The following PEBP4 variants were observed in gnomAD, a reference collection of about 807,000 sequenced individuals.
PEBP4 encodes phosphatidylethanolamine binding protein 4.
PEBP4 carries 22 observed loss-of-function variants against 23.9 expected under a neutral mutation model. The observed-to-expected ratio is 0.92, with a 90% CI of 0.66 to 1.31. The LOEUF (loss-of-function observed/expected upper bound fraction) is 1.31. Ranked by LOEUF, PEBP4 falls within the 40% of genes most tolerant of loss-of-function variation. The pLI is 0.00. For missense variants in PEBP4, 324 were observed against 281.7 expected (o/e 1.15, Z -1.07); for synonymous variants, 112 against 99.3 (o/e 1.13, Z -0.76).
chr8:22,796,323 G>T (rs926551384), intron 4 of PEBP4, among the ~76,000 whole-genome samples: 4 of 151,476 alleles, frequency 2.6e-5, no homozygotes, highest in Non-Finnish European at 5.9e-5. Context: ...TTCCCCACTG[G>T]GTTTTGAGTT....
intron 4 of PEBP4, among the ~76,000 whole-genome samples, chr8:22,741,799 G>A (rs1805001572): frequency 6.6e-6 from 1 of 152,230 alleles, no homozygotes; most frequent in African/African-American, 2.4e-5. Context: ...CATACTGCTT[G>A]GCTTCCAGTC....
At chr8:22,772,710 C>T (rs1805740263) in intron 4 of PEBP4, among the ~76,000 whole-genome samples, 1 of 152,156 alleles carries the variant, frequency 6.6e-6, no homozygotes, top group African/African-American at 2.4e-5. Flanking sequence ...GAGCTATGAA[C>T]TGAGAGGCTG....
intron 5 of PEBP4, 69 bp from the exon 6 acceptor site, chr8:22,725,025 TC>T: frequency 7.4e-7 from 1 of 1,354,456 alleles, no homozygotes; most frequent in Non-Finnish European, 1.1e-6. Flanking sequence ...CTCTCTGCCT[TC>T]CCATGGTCCT....
chr8:22,777,644 C>T (rs1454613110), intron 4 of PEBP4, among the ~76,000 whole-genome samples: 1 of 152,176 alleles, frequency 6.6e-6, no homozygotes, highest in Non-Finnish European at 1.5e-5. Flanking sequence ...GCACGGCACT[C>T]CTGTTGCCCC....
intron 3 of PEBP4, among the ~76,000 whole-genome samples, chr8:22,870,491 A>G (rs1334336907): frequency 2.6e-5 from 4 of 152,240 alleles, no homozygotes; most frequent in Admixed American, 6.5e-5. Context: ...ATTGCTCTGT[A>G]TGATATTACA....
intron 3 of PEBP4, among the ~76,000 whole-genome samples, chr8:22,898,756 G>C (rs932165148): frequency 2.0e-5 from 3 of 152,166 alleles, no homozygotes; most frequent in African/African-American, 7.2e-5. Flanking sequence ...GATACTCCTT[G>C]TAACAGAAAA....
chr8:22,855,137 C>T (rs1360529423), intron 3 of PEBP4, among the ~76,000 whole-genome samples: 1 of 152,062 alleles, frequency 6.6e-6, no homozygotes, highest in Admixed American at 6.5e-5. Context: ...TCAGTGTTCC[C>T]ATGGCTGACA....
intron 3 of PEBP4, among the ~76,000 whole-genome samples, chr8:22,913,222 G>C (rs886328417): frequency 5.3e-5 from 8 of 152,058 alleles, no homozygotes; most frequent in African/African-American, 1.9e-4. Context: ...CCCTTACCCT[G>C]TCCTGACTTT....
chr8:22,749,867 C>T lies in PEBP4; in HGVS notation c.358-22647G>A, dbSNP rs117273974. Among the ~76,000 whole-genome samples the T allele has an allele frequency of 2.4e-4, 34 of 141,380 alleles. No homozygotes were observed. The East Asian group carries it at 7.1e-3, about 30-fold the overall frequency. The allele number at this position is 141,380 out of a possible 152,430, so 92.8% of individuals were successfully genotyped here. ...TGTTGCCCAGCCTGGAATGCAATGG[C>T]ACGATGTTGTCTCACTGGAACCTCT... On this transcript the variant is annotated intron_variant, in intron 4 of 6. Coordinates refer to ENST00000256404, the MANE Select transcript of PEBP4 (RefSeq NM_144962.3).
chr8:22,900,315 T>C (rs1808686629), intron 3 of PEBP4, among the ~76,000 whole-genome samples: 1 of 152,200 alleles, frequency 6.6e-6, no homozygotes, highest in South Asian at 2.1e-4. Context: ...TTCCTTGAAG[T>C]ACATTTTCTC....
At chr8:22,930,622 T>G (rs907455876), upstream of PEBP4, among the ~76,000 whole-genome samples, 1 of 152,234 alleles carries the variant, frequency 6.6e-6, no homozygotes. Flanking sequence ...AGGAAACTAA[T>G]CACTCAGGTT....
chr8:22,929,229 C>T (rs905666166), upstream of PEBP4, among the ~76,000 whole-genome samples: 1 of 152,254 alleles, frequency 6.6e-6, no homozygotes, highest in Non-Finnish European at 1.5e-5. Context: ...TTGCAACCCA[C>T]TTCACTCATA....
intron 4 of PEBP4, among the ~76,000 whole-genome samples, chr8:22,801,102 A>G (rs1399836895): frequency 6.6e-6 from 1 of 152,178 alleles, no homozygotes; most frequent in Non-Finnish European, 1.5e-5. Flanking sequence ...CATGGAGAGT[A>G]GAAATCTGTT....
chr8:22,763,012 T>C (rs1470272721), intron 4 of PEBP4, among the ~76,000 whole-genome samples: 1 of 148,172 alleles, frequency 6.7e-6, no homozygotes, highest in African/African-American at 2.5e-5. Flanking sequence ...AAAGAAGTCT[T>C]TTTTTTTTTT....
chr8:22,732,360 C>CTGA (rs1804755777), intron 4 of PEBP4, among the ~76,000 whole-genome samples: 1 of 152,066 alleles, frequency 6.6e-6, no homozygotes, highest in Admixed American at 6.6e-5. Context: ...ACAATGAGAA[C>CTGA]ACATGGACAC....
chr8:22,767,270 G>A (rs1484782503), intron 4 of PEBP4, among the ~76,000 whole-genome samples: 3 of 152,222 alleles, frequency 2.0e-5, no homozygotes, highest in Non-Finnish European at 4.4e-5. Flanking sequence ...GCAGTTCTCA[G>A]CCTCAAAGCT....
chr8:22,797,294 A>G (rs922264335), intron 4 of PEBP4, among the ~76,000 whole-genome samples: 3 of 151,156 alleles, frequency 2.0e-5, no homozygotes, highest in African/African-American at 7.3e-5. Context: ...AGAAAAACAA[A>G]CCCAAATCGG....
At chr8:22,930,887 C>A (rs1378558097), upstream of PEBP4, among the ~76,000 whole-genome samples, 3 of 152,178 alleles carry the variant, frequency 2.0e-5, no homozygotes, top group Non-Finnish European at 4.4e-5. Flanking sequence ...TCTTGGTGCC[C>A]ACCCTTGAAG....
At chr8:22,921,472 C>A (rs891530966) in intron 2 of PEBP4, among the ~76,000 whole-genome samples, 1 of 152,228 alleles carries the variant, frequency 6.6e-6, no homozygotes, top group African/African-American at 2.4e-5. Flanking sequence ...TGGGAGTAGG[C>A]CAAGAGCAGC....
Sources: allele counts gnomAD v4.1 joint callset (sites outside exome capture counted in the v4.1 genomes callset), GRCh38; gene constraint gnomAD v4.1.1; transcripts MANE v1.5; gene names NCBI Gene and HGNC (gene_info 2026-07-23, HGNC 2026-07-21).